The following CSE1L variants were observed in gnomAD, a reference collection of about 807,000 sequenced individuals.
The protein encoded by CSE1L is chromosome segregation 1 like.
Under a neutral mutation model 120.4 loss-of-function variants are expected in CSE1L, and 24 were observed. The observed-to-expected ratio is 0.20, with a 90% CI of 0.14 to 0.28. CSE1L has a LOEUF of 0.28. CSE1L is among the 10% of genes least tolerant of loss of function. The pLI, the probability that CSE1L is intolerant of heterozygous loss-of-function variation, is 1.00. For missense variants in CSE1L, 830 were observed against 1,145.2 expected, an observed-to-expected ratio of 0.72 and a Z score of 3.97; for synonymous variants, 402 against 398.3, an observed-to-expected ratio of 1.01 and a Z score of -0.11.
chr20:49,067,374 TGATA>T (rs1383112934), intron 6 of CSE1L, 94 bp downstream of exon 6: 8 of 798,456 alleles, frequency 1.0e-5, no homozygotes, highest in African/African-American at 8.8e-5. Context: ...AAAGCTTATT[TGATA>T]GATAATGTTT....
Position 49,068,885 on chromosome 20 carries a change from CT to C in CSE1L, c.675+64del. 2.5e-6 allele frequency: 3 copies of C among 1,183,856 alleles called. No individual in the cohort carries two copies. The South Asian group carries it at 3.8e-5, about 15-fold the overall frequency. 73.3% of individuals were successfully genotyped at this position (1,183,856 alleles called of 1,614,324 possible). On this transcript the variant is annotated intron_variant, in intron 7 of 24. Coordinates refer to ENST00000262982, the MANE Select transcript of CSE1L (RefSeq NM_001316.4). The stretch of plus-strand genomic sequence containing the variant: ...TTTGATTTTAAATAGAGTTTTCTTT[CT>C]GTTTGATAAAGACTTCTTTGCCAGC...
chr20:49,074,361 A>T lies in CSE1L; in HGVS notation c.1067-424A>T, dbSNP rs543844276. ...TGCTAGGTTACACGCGTGAGCCACC[A>T]TGCCGGCCATTTCTGACATTGTCCA... On this transcript the variant is annotated intron_variant, in intron 10 of 24. Coordinates refer to ENST00000262982, the MANE Select transcript of CSE1L (RefSeq NM_001316.4). Among the ~76,000 whole-genome samples, 5 of 151,866 alleles carry T rather than the reference A, an allele frequency of 3.3e-5. No individual in the cohort carries two copies. In the South Asian group the frequency reaches 8.3e-4, roughly 25 times the overall value.
chr20:49,096,244 C>T (rs1038135699), intron 24 of CSE1L, 105 bp from the exon 25 acceptor site: 2 of 883,338 alleles, frequency 2.3e-6, no homozygotes, highest in African/African-American at 3.3e-5. Context: ...AATGACTTGA[C>T]TGGCTGCTCT....
chr20:49,069,681 C>T (rs1199625487), intron 7 of CSE1L, among the ~76,000 whole-genome samples: 2 of 152,280 alleles, frequency 1.3e-5, no homozygotes, highest in East Asian at 3.9e-4. Context: ...TTTGCTTACA[C>T]CTTTTGAATT....
chr20:49,072,888 A>G (rs2091943278), intron 10 of CSE1L, among the ~76,000 whole-genome samples, 191 bp downstream of exon 10: 1 of 152,238 alleles, frequency 6.6e-6, no homozygotes, highest in Non-Finnish European at 1.5e-5. Context: ...TCTCATGGAA[A>G]TATTAAATAA....
chr20:49,084,031 A>G lies in CSE1L; in HGVS notation c.1488A>G (p.Pro496=). The G allele has an allele frequency of 6.2e-7, 1 of 1,613,262 alleles. No homozygotes were observed. Among genetic ancestry groups the G allele is most frequent in the Non-Finnish European group, 8.5e-7 (1 of 1,179,378 alleles). ...TATATTATTGTGTTTTTTAGGTGCC[A>G]AAAGAACATCTTTTAGTCTCGATTC... ...KYIMIFRNQV[P]KEHLLVSIPL... Residue 496 remains proline (P), a synonymous_variant, in exon 15 of 25, where the codon CCA becomes CCG. Coordinates refer to ENST00000262982, the MANE Select transcript of CSE1L (RefSeq NM_001316.4).
rs559027684 is a variant in CSE1L, at chr20:49,046,415, C to T, written c.-20C>T. On this transcript the variant is annotated 5_prime_UTR_variant, in exon 1 of 25. Coordinates refer to ENST00000262982, the MANE Select transcript of CSE1L (RefSeq NM_001316.4). ...GGGGTTCCCTCCTCCGTTTCTGTAT[C>T]CCCACGAGGTGAGGCGCGGGGCGTG... is the stretch of plus-strand genomic sequence containing the variant. 22 of 152,480 alleles carry T rather than the reference C, an allele frequency of 1.4e-4. No homozygotes were observed. Among genetic ancestry groups the T allele is most frequent in the African/African-American group, 5.0e-4 (21 of 41,594 alleles). 9.4% of individuals were successfully genotyped at this position (152,480 alleles called of 1,614,324 possible). A position where few individuals can be genotyped will look rare whatever the true frequency, so the allele number is the denominator to read the frequency against.
At chr20:49,059,735 C>T (rs2091837235) in intron 2 of CSE1L, among the ~76,000 whole-genome samples, 1 of 152,002 alleles carries the variant, frequency 6.6e-6, no homozygotes, top group South Asian at 2.1e-4. Flanking sequence ...AAAAACTTAG[C>T]TGGGTGTGGT....
In CSE1L at chr20:49,089,750, C is replaced by T. The variant is rs368130953; in HGVS notation, c.2181+4C>T. 1.2e-6 allele frequency: 2 copies of T among 1,613,178 alleles called. No individual in the cohort carries two copies. The highest frequency in any genetic ancestry group is 1.7e-6 in the Non-Finnish European group (2 of 1,179,326). On this transcript the variant is annotated splice_donor_region_variant and intron_variant, in intron 19 of 24. Coordinates refer to ENST00000262982, the MANE Select transcript of CSE1L (RefSeq NM_001316.4). ...AAGTGCTGCAGCTGACAAAATTGTG[C>T]GTCAGGTTTTGATATAACTGTAATT...
intron 16 of CSE1L, among the ~76,000 whole-genome samples, chr20:49,087,712 G>T (rs2092071115): frequency 6.6e-6 from 1 of 152,032 alleles, no homozygotes; most frequent in African/African-American, 2.4e-5. Flanking sequence ...AGACTCACCT[G>T]CTCCATTCAT....
At chr20:49,076,267 A>G (rs1442067808) in intron 12 of CSE1L, among the ~76,000 whole-genome samples, 1 of 152,138 alleles carries the variant, frequency 6.6e-6, no homozygotes, top group Non-Finnish European at 1.5e-5. Flanking sequence ...GGCTCACCGC[A>G]ACCTCCGTTT....
In CSE1L at chr20:49,056,714, T is replaced by C. The variant is rs116616979; in HGVS notation, c.-11-1739T>C. On this transcript the variant is annotated intron_variant, in intron 1 of 24. Coordinates refer to ENST00000262982, the MANE Select transcript of CSE1L (RefSeq NM_001316.4). ...GTGTGTTTTTTCATTTTCCTTTTAA[T>C]TGAGTGGGTTCAGACTCCTTTTTTT... is the stretch of plus-strand genomic sequence containing the variant. Among the ~76,000 whole-genome samples, 1,167 of 152,282 alleles carry C rather than the reference T, an allele frequency of 7.7e-3. 16 individuals carry two copies. Among genetic ancestry groups the C allele is most frequent in the African/African-American group, 0.026 (1,071 of 41,538 alleles).
At chr20:49,079,830 A>C (rs1414728060) in intron 14 of CSE1L, among the ~76,000 whole-genome samples, 1 of 152,142 alleles carries the variant, frequency 6.6e-6, no homozygotes, top group Non-Finnish European at 1.5e-5. Context: ...CTGTAATCCC[A>C]ACACTTTGAG....
intron 5 of CSE1L, 33 bp from the exon 6 acceptor site, chr20:49,067,157 T>G: frequency 7.0e-7 from 1 of 1,418,582 alleles, no homozygotes; most frequent in South Asian, 1.2e-5. Context: ...AAAAAAAACT[T>G]GTAAATTTAT....
chr20:49,067,552 C>T (rs2123696731), intron 6 of CSE1L, among the ~76,000 whole-genome samples: 1 of 152,072 alleles, frequency 6.6e-6, no homozygotes, highest in Admixed American at 6.6e-5. Context: ...TATCATTTCA[C>T]CCAAGTATTT....
At chr20:49,056,143 C>T (rs1331912441) in intron 1 of CSE1L, among the ~76,000 whole-genome samples, 6 of 151,306 alleles carry the variant, frequency 4.0e-5, no homozygotes, top group Non-Finnish European at 8.8e-5. Context: ...AAGTCTCGCT[C>T]TTTCTGAGGC....
intron 14 of CSE1L, 78 bp downstream of exon 14, chr20:49,078,700 GCAGT>G (rs2091988006): frequency 5.5e-6 from 5 of 909,974 alleles, no homozygotes; most frequent in East Asian, 5.7e-5. Context: ...CATCTACTGT[GCAGT>G]CATTTTATAT....
At chr20:49,072,163 T>G (rs528117595) in intron 8 of CSE1L, 123 bp from the exon 9 acceptor site, 1 of 1,048,766 alleles carries the variant, frequency 9.5e-7, no homozygotes, top group South Asian at 1.6e-5. Context: ...AGCTGTAGTT[T>G]ACAATAACTG....
chr20:49,092,008 A>G (rs758393865), intron 21 of CSE1L, 38 bp from the exon 22 acceptor site: 50 of 1,125,056 alleles, frequency 4.4e-5, no homozygotes, highest in Non-Finnish European at 6.7e-5. Flanking sequence ...TTAGTGCGTG[A>G]GTTCTCTATG....
Sources: gnomAD v4.1 joint callset for allele counts (sites outside exome capture counted in the v4.1 genomes callset) on GRCh38, gnomAD v4.1.1 for gene constraint, MANE v1.5 for transcripts, NCBI Gene and HGNC (gene_info 2026-07-23, HGNC 2026-07-21) for gene names.